The following MYO18B variants were observed in gnomAD, a reference collection of about 807,000 sequenced individuals.
MYO18B encodes unconventional myosin-XVIIIb.
Under a neutral mutation model 273.0 loss-of-function variants are expected in MYO18B, and 204 were observed. The observed-to-expected ratio is 0.75, with a 90% CI of 0.67 to 0.84. The LOEUF (loss-of-function observed/expected upper bound fraction) is 0.84. Ranked by LOEUF, MYO18B falls within the 40% of genes least tolerant of loss-of-function variation. The pLI is 0.00. For synonymous variants in MYO18B, 1,330 were observed against 1,305.7 expected, an observed-to-expected ratio of 1.02 and a Z score of -0.40; for missense variants, 3,212 against 3,287.6, an observed-to-expected ratio of 0.98 and a Z score of 0.56.
intron 22 of MYO18B, among the ~76,000 whole-genome samples, chr22:25,869,125 G>A (rs1271959373): frequency 6.6e-6 from 1 of 152,050 alleles, no homozygotes; most frequent in African/African-American, 2.4e-5. Context: ...ACCAAGGAGT[G>A]GGGGCAGGGG....
intron 7 of MYO18B, among the ~76,000 whole-genome samples, chr22:25,776,635 G>A (rs2086926332): frequency 6.6e-6 from 1 of 152,152 alleles, no homozygotes; most frequent in South Asian, 2.1e-4. Context: ...AAAACAACAG[G>A]TTGGGTGATT....
At chr22:25,822,395 A>G (rs1158432474) in intron 12 of MYO18B, among the ~76,000 whole-genome samples, 1 of 152,172 alleles carries the variant, frequency 6.6e-6, no homozygotes, top group Non-Finnish European at 1.5e-5. Context: ...TGTTTGGCAG[A>G]GGGCAGAGGG....
chr22:26,027,873 G>A lies in MYO18B; in HGVS notation c.*12+183G>A. 1 of 606,664 alleles carries A rather than the reference G, an allele frequency of 1.6e-6. No individual in the cohort carries two copies. The highest frequency in any genetic ancestry group is 2.9e-5 in the East Asian group (1 of 34,056). 37.6% of individuals were successfully genotyped at this position (606,664 alleles called of 1,614,324 possible). A position where few individuals can be genotyped will look rare whatever the true frequency, so the allele number is the denominator to read the frequency against. On this transcript the variant is annotated intron_variant, in intron 43 of 43. Transcript: ENST00000335473. This position sits in a 1 kb window ranked among gnomAD's most constrained non-coding sequence, Gnocchi z 4.1. The stretch of plus-strand genomic sequence containing the variant: ...AAAGCTTTTCAGAACCCCTCTGCTG[G>A]GTACCTCTACTTCCTTGTACTTTGA...
At chr22:26,010,392 G>T (rs1163102321) in intron 42 of MYO18B, among the ~76,000 whole-genome samples, 1 of 152,138 alleles carries the variant, frequency 6.6e-6, no homozygotes, top group Non-Finnish European at 1.5e-5. Flanking sequence ...GGTGGGCTCA[G>T]AGAGTTCAAC....
At chr22:26,025,502 C>T (rs969382730) in intron 42 of MYO18B, among the ~76,000 whole-genome samples, 35 of 152,344 alleles carry the variant, frequency 2.3e-4, no homozygotes, top group African/African-American at 4.8e-4. Context: ...ATTGGAAACC[C>T]GCGTGTGCAT....
At chr22:25,880,994 G>A (rs1260270470) in intron 25 of MYO18B, among the ~76,000 whole-genome samples, 1 of 152,220 alleles carries the variant, frequency 6.6e-6, no homozygotes, top group East Asian at 1.9e-4. Context: ...TTCTACACCC[G>A]AGAGCACCTG....
In MYO18B at chr22:25,761,039, TG is replaced by T. The variant is rs1302685924; in HGVS notation, c.-52del. 6.2e-7 allele frequency: 1 copy of T among 1,601,774 alleles called. No homozygotes were observed. Among genetic ancestry groups the T allele is most frequent in the East Asian group, 2.2e-5 (1 of 44,876 alleles). On this transcript the variant is annotated 5_prime_UTR_variant, in exon 2 of 44. Transcript: ENST00000335473. ...CTGTAAAGCCTCATTCCGTGCTGTC[TG>T]GCAGGAAGCTCCATCTCATCTCATC...
chr22:25,970,709 G>A (rs945898870), intron 39 of MYO18B, among the ~76,000 whole-genome samples: 3 of 152,186 alleles, frequency 2.0e-5, no homozygotes, highest in Admixed American at 6.5e-5. Flanking sequence ...CCACCCAGCT[G>A]GGCGGCAGAA....
At chr22:25,785,821 A>G (rs2087360713) in intron 11 of MYO18B, among the ~76,000 whole-genome samples, 1 of 152,192 alleles carries the variant, frequency 6.6e-6, no homozygotes, top group African/African-American at 2.4e-5. Context: ...TCTCTTCTTC[A>G]GTACAGTAAT....
At chr22:25,935,072 G>T (rs576626603) in intron 34 of MYO18B, among the ~76,000 whole-genome samples, 2 of 152,306 alleles carry the variant, frequency 1.3e-5, no homozygotes, top group East Asian at 3.9e-4. Context: ...ACCATTAATA[G>T]TGTAACTGAA....
chr22:25,847,399 A>G (rs2090283650), intron 19 of MYO18B, 31 bp from the exon 20 acceptor site: 4 of 1,536,314 alleles, frequency 2.6e-6, no homozygotes, highest in Middle Eastern at 1.7e-4. Context: ...CTGTGAGACA[A>G]CTGGCCCTGA....
At position 25,785,458 on chromosome 22, in the gene MYO18B, T is replaced by G. The variant is rs1385881919; in HGVS notation, c.2343T>G (p.Asp781Glu). 1 of 1,612,126 alleles carries G rather than the reference T, an allele frequency of 6.2e-7. No homozygotes were observed. Among genetic ancestry groups the G allele is most frequent in the South Asian group, 1.1e-5 (1 of 90,382 alleles). The change falls in exon 11 of 44, where the codon GAT becomes GAG. Residue 781 changes from aspartate (D) to glutamate (E), a missense_variant. By Grantham distance (45) the Asp-to-Glu change is conservative. Coordinates refer to ENST00000335473, the MANE Select transcript of MYO18B (RefSeq NM_032608.7). ...RTELNLHQMA[D>E]SSSFGMGVWS... ...AGCTGAACCTGCACCAGATGGCAGATAGCAGCTCCTTTGGCATGGGCGTGT... is the reference window on the plus strand; with the variant it reads ...AGCTGAACCTGCACCAGATGGCAGAGAGCAGCTCCTTTGGCATGGGCGTGT...
chr22:26,027,330 G>C lies in MYO18B; in HGVS notation c.7356G>C (p.Gln2452His), dbSNP rs201496617. 1.1e-4 allele frequency: 176 copies of C among 1,614,004 alleles called. 1 individual carries two copies. The African/African-American group carries it at 1.9e-3, about 17-fold the overall frequency. The change falls in exon 43 of 44, where the codon CAG becomes CAC. Residue 2452 changes from glutamine to histidine, a missense_variant. Gln to His is a conservative substitution (Grantham distance 24). Coordinates refer to ENST00000335473, the MANE Select transcript of MYO18B (RefSeq NM_032608.7). This position sits in a 1 kb window ranked among gnomAD's most constrained non-coding sequence, Gnocchi z 4.1. ...DDFLPAIRKP[Q>H]TPTSLAGSAK... ...TCCTCCCAGCTATCCGGAAGCCCCA[G>C]ACACCTACCTCCTTGGCTGGATCAG... is the stretch of plus-strand genomic sequence containing the variant.
chr22:25,804,300 C>T (rs1310975165), intron 12 of MYO18B, among the ~76,000 whole-genome samples: 1 of 152,218 alleles, frequency 6.6e-6, no homozygotes, highest in African/African-American at 2.4e-5. Flanking sequence ...TGCTCAGAGG[C>T]AAGCTAAGGC....
chr22:25,822,837 A>G lies in MYO18B; in HGVS notation c.2522-668A>G, dbSNP rs1201683398. On this transcript the variant is annotated intron_variant, in intron 12 of 43. Coordinates refer to ENST00000335473, the MANE Select transcript of MYO18B (RefSeq NM_032608.7). The stretch of plus-strand genomic sequence containing the variant: ...TGGGAAACGTGACTGGGGGGACTAC[A>G]TGCATCAGCTAACAGAATAGAAAGT... 3.9e-5 allele frequency among the ~76,000 whole-genome samples: 6 copies of G among 152,264 alleles called. No individual in the cohort carries two copies. The East Asian group carries it at 1.2e-3, about 29-fold the overall frequency.
At chr22:25,992,659 C>T (rs1220446197) in intron 40 of MYO18B, among the ~76,000 whole-genome samples, 166 bp downstream of exon 40, 1 of 152,192 alleles carries the variant, frequency 6.6e-6, no homozygotes, top group Admixed American at 6.5e-5. Context: ...CTGGATGTTG[C>T]CCTGCTGGTT....
intron 2 of MYO18B, chr22:25,762,982 G>A: frequency 4.5e-6 from 3 of 667,636 alleles, no homozygotes; most frequent in South Asian, 1.4e-5. Flanking sequence ...CAAGGAGAGT[G>A]GATCCAGGCA....
At chr22:25,875,574 A>G (rs909067786) in intron 23 of MYO18B, among the ~76,000 whole-genome samples, 1 of 152,142 alleles carries the variant, frequency 6.6e-6, no homozygotes, top group Non-Finnish European at 1.5e-5. Context: ...CAGCAGCATC[A>G]GCATCACCTG....
intron 12 of MYO18B, among the ~76,000 whole-genome samples, chr22:25,814,205 T>C (rs565077470): frequency 1.7e-4 from 25 of 151,214 alleles, no homozygotes; most frequent in Non-Finnish European, 2.8e-4. Flanking sequence ...TCTGTGAAAG[T>C]TCCTACCCTT....
Sources: gnomAD v4.1 joint callset for allele counts (sites outside exome capture counted in the v4.1 genomes callset) on GRCh38, gnomAD v4.1.1 for gene constraint, Gnocchi (gnomAD v3.1) non-coding constraint, MANE v1.5 for transcripts, NCBI Gene and HGNC (gene_info 2026-07-23, HGNC 2026-07-21) for gene names.